The following ARHGEF3 variants were observed in gnomAD, a reference collection of about 807,000 sequenced individuals.
The protein encoded by ARHGEF3 is Rho guanine nucleotide exchange factor 3.
ARHGEF3 carries 28 observed loss-of-function variants against 63.2 expected under a neutral mutation model. The ratio of observed to expected loss-of-function variants is 0.44; its 90% CI spans 0.33 to 0.61. ARHGEF3 has a LOEUF of 0.61. Ranked by LOEUF, ARHGEF3 falls within the 20% of genes least tolerant of loss-of-function variation. The probability of loss-of-function intolerance (pLI) is 0.03; values close to 1 mark genes in which losing one functional copy is unlikely to be tolerated. For missense variants in ARHGEF3, 533 were observed against 659.3 expected (o/e 0.81, Z 2.10); for synonymous variants, 266 against 254.2 (o/e 1.05, Z -0.44).
intron 2 of ARHGEF3, among the ~76,000 whole-genome samples, chr3:57,003,401 CA>C (rs60214570): frequency 0.18 from 7,844 of 43,340 alleles, 88 homozygotes; most frequent in South Asian, 0.23. Flanking sequence ...GACGCCGTCT[CA>C]AAAAAAAAAA....
At chr3:56,766,794 C>T (rs1382483478) in intron 2 of ARHGEF3, among the ~76,000 whole-genome samples, 1 of 151,918 alleles carries the variant, frequency 6.6e-6, no homozygotes, top group East Asian at 1.9e-4. Context: ...GAACAGAAGC[C>T]TTGCCGTATC....
chr3:56,912,938 G>A (rs989577852), intron 3 of ARHGEF3, among the ~76,000 whole-genome samples: 1 of 152,164 alleles, frequency 6.6e-6, no homozygotes, highest in African/African-American at 2.4e-5. Context: ...AGGAGTTCAA[G>A]ACGAGCCTGG....
In ARHGEF3 at chr3:57,033,773, G is replaced by A. The variant is rs78994244; in HGVS notation, c.62+1315C>T. Among the ~76,000 whole-genome samples, 691 of 152,100 alleles carry A rather than the reference G, an allele frequency of 4.5e-3. 16 individuals are homozygous for A. Among genetic ancestry groups the A allele is most frequent in the Admixed American group, 0.033 (499 of 15,260 alleles). ...ATAAAATTAATTTTAGGCTGGGCGCGGTGGCTCATGCCTGTAATCCCAGCA... is the reference window on the plus strand; with the variant it reads ...ATAAAATTAATTTTAGGCTGGGCGCAGTGGCTCATGCCTGTAATCCCAGCA... On this transcript the variant is annotated intron_variant, in intron 2 of 12. Coordinates refer to the ARHGEF3 transcript ENST00000338458.
At chr3:56,794,649 T>C (rs2037258319) in intron 1 of ARHGEF3, among the ~76,000 whole-genome samples, 1 of 152,120 alleles carries the variant, frequency 6.6e-6, no homozygotes, top group Non-Finnish European at 1.5e-5. Flanking sequence ...CCCTCTCAGA[T>C]ACCAAAATCT....
chr3:57,068,594 G>C (rs1329309951), intron 1 of ARHGEF3, among the ~76,000 whole-genome samples: 3 of 152,192 alleles, frequency 2.0e-5, no homozygotes, highest in African/African-American at 7.2e-5. Context: ...GAGTTTGCAA[G>C]ACTGCACAGG....
intron 2 of ARHGEF3, among the ~76,000 whole-genome samples, chr3:57,009,048 G>A (rs1158617494): frequency 6.6e-6 from 1 of 152,226 alleles, no homozygotes; most frequent in Non-Finnish European, 1.5e-5. Context: ...GCAGGAACCA[G>A]GATGGGCCAT....
At chr3:57,059,150 A>T (rs993545990) in intron 1 of ARHGEF3, among the ~76,000 whole-genome samples, 3 of 152,188 alleles carry the variant, frequency 2.0e-5, no homozygotes, top group African/African-American at 4.8e-5. Context: ...ATAATAATAA[A>T]AAAAAGAAAT....
At chr3:56,757,864 A>G (rs2035170840) in intron 2 of ARHGEF3, among the ~76,000 whole-genome samples, 1 of 151,780 alleles carries the variant, frequency 6.6e-6, no homozygotes, top group African/African-American at 2.4e-5. Flanking sequence ...CTGGGACTAC[A>G]GGCACCTGCC....
chr3:56,999,152 T>TG (rs1162488244), intron 2 of ARHGEF3, among the ~76,000 whole-genome samples: 3 of 151,988 alleles, frequency 2.0e-5, no homozygotes, highest in African/African-American at 7.3e-5. Context: ...CGGGTTCAAG[T>TG]GATTCTCTTG....
At chr3:56,974,073 A>AGAGCG (rs1701030619) in intron 2 of ARHGEF3, among the ~76,000 whole-genome samples, 2 of 151,906 alleles carry the variant, frequency 1.3e-5, no homozygotes, top group Non-Finnish European at 2.9e-5. Context: ...GCGACAGATC[A>AGAGCG]AGACTCTGTC....
chr3:56,841,869 T>G lies in ARHGEF3; in HGVS notation c.192+40423A>C, dbSNP rs1053282864. On this transcript the variant is annotated intron_variant, in intron 4 of 12. Coordinates refer to the ARHGEF3 transcript ENST00000338458. ...ATTCCCAAAACAAGAAGTTGAACAC[T>G]GAACCATCCTCAAAAGATGGCATCT... 1.3e-4 allele frequency among the ~76,000 whole-genome samples: 20 copies of G among 152,214 alleles called. 1 individual carries two copies. The highest frequency in any genetic ancestry group is 4.4e-5 in the Non-Finnish European group (3 of 68,036).
At chr3:56,860,588 G>A (rs964487300) in intron 4 of ARHGEF3, among the ~76,000 whole-genome samples, 1 of 152,192 alleles carries the variant, frequency 6.6e-6, no homozygotes, top group Non-Finnish European at 1.5e-5. Context: ...ATCACAGTGG[G>A]TTCTTTTGGT....
At chr3:57,000,939 A>G (rs188860489) in intron 2 of ARHGEF3, among the ~76,000 whole-genome samples, 1 of 151,228 alleles carries the variant, frequency 6.6e-6, no homozygotes, top group East Asian at 2.0e-4. Context: ...CTGCAATTTT[A>G]TTTTTTAATT....
intron 1 of ARHGEF3, chr3:57,074,455 G>A: frequency 1.6e-6 from 1 of 608,542 alleles, no homozygotes; most frequent in Non-Finnish European, 3.0e-6. Context: ...CACAGATGAA[G>A]AAATCAAGAT....
chr3:56,761,998 C>G (rs9825091), intron 2 of ARHGEF3, among the ~76,000 whole-genome samples: 7 of 151,980 alleles, frequency 4.6e-5, no homozygotes, highest in Non-Finnish European at 7.4e-5. Context: ...ACATTTTGGA[C>G]TAGAGATTCT....
intron 4 of ARHGEF3, among the ~76,000 whole-genome samples, chr3:56,810,870 T>G (rs2038039145): frequency 6.6e-6 from 1 of 152,174 alleles, no homozygotes; most frequent in African/African-American, 2.4e-5. Context: ...AAAAGCACTG[T>G]TCGAGTAACA....
intron 4 of ARHGEF3, among the ~76,000 whole-genome samples, chr3:56,848,338 G>T (rs1431522432): frequency 6.6e-6 from 1 of 152,072 alleles, no homozygotes; most frequent in Non-Finnish European, 1.5e-5. Context: ...AAAATATTTG[G>T]GGAATCAACT....
intron 2 of ARHGEF3, among the ~76,000 whole-genome samples, chr3:56,973,236 C>T (rs1305902086): frequency 1.3e-5 from 2 of 152,098 alleles, no homozygotes; most frequent in African/African-American, 4.8e-5. Flanking sequence ...CCAGGCTGGT[C>T]TCGATCTCCT....
intron 3 of ARHGEF3, among the ~76,000 whole-genome samples, chr3:56,942,076 T>C (rs146503936): frequency 2.0e-3 from 306 of 152,342 alleles, no homozygotes; most frequent in African/African-American, 7.1e-3. Flanking sequence ...AATAGTGCTG[T>C]AGGGGAATGT....
Sources: gnomAD v4.1 joint callset for allele counts (sites outside exome capture counted in the v4.1 genomes callset) on GRCh38, gnomAD v4.1.1 for gene constraint, MANE v1.5 for transcripts, NCBI Gene and HGNC (gene_info 2026-07-23, HGNC 2026-07-21) for gene names.